Variants in CGN observed in about 807,000 individuals in gnomAD.
CGN encodes the protein cingulin.
Under a neutral mutation model 157.1 loss-of-function variants are expected in CGN, and 121 were observed. The observed-to-expected ratio is 0.77, with a 90% CI of 0.66 to 0.90. The LOEUF is 0.90. Ranked by LOEUF, CGN falls within the 40% of genes least tolerant of loss-of-function variation. CGN has a pLI of 0.00. For missense variants in CGN, 1,424 were observed against 1,520.9 expected (o/e 0.94, Z 1.06); for synonymous variants, 535 against 607.5 (o/e 0.88, Z 1.76).
chr1:151,517,598 C>T (rs143472622), intron 1 of CGN, among the ~76,000 whole-genome samples: 2,682 of 151,716 alleles, frequency 0.018, 34 homozygotes, highest in Middle Eastern at 0.031. Context: ...GCAACCTCCA[C>T]CTCCCGGGTT....
At chr1:151,528,267 G>A (rs1055085658) in intron 10 of CGN, among the ~76,000 whole-genome samples, 1 of 151,702 alleles carries the variant, frequency 6.6e-6, no homozygotes, top group Non-Finnish European at 1.5e-5. Flanking sequence ...GATTACAGGC[G>A]TGAGCCACCG....
Position 151,535,136 on chromosome 1 carries a change from C to G in CGN, c.2994+5C>G. The G allele has an allele frequency of 1.2e-6, 2 of 1,606,616 alleles. No individual in the cohort carries two copies. The highest frequency in any genetic ancestry group is 1.7e-6 in the Non-Finnish European group (2 of 1,173,874). On this transcript the variant is annotated splice_donor_5th_base_variant and intron_variant, in intron 16 of 20. Transcript: ENST00000271636. ...GTGAATCGTGGCCGGGACCAGGTAA[C>G]CGCCCCCACCCCTCATCTCTGTTTA... is the stretch of plus-strand genomic sequence containing the variant.
chr1:151,520,059 C>T, intron 2 of CGN, 107 bp from the exon 3 acceptor site: 1 of 799,034 alleles, frequency 1.3e-6, no homozygotes, highest in South Asian at 1.9e-5. Context: ...GGGACTTGAC[C>T]TGAGACTGCC....
chr1:151,524,644 C>A lies in CGN; in HGVS notation c.1402-30C>A. The A allele has an allele frequency of 6.4e-7, 1 of 1,555,010 alleles. No homozygotes were observed. Among genetic ancestry groups the A allele is most frequent in the South Asian group, 1.1e-5 (1 of 87,282 alleles). On this transcript the variant is annotated intron_variant, in intron 7 of 20. Transcript: ENST00000271636. This position sits in a 1 kb window ranked among gnomAD's most constrained non-coding sequence, Gnocchi z 4.4. ...AAACAGATGGATTCTAATATGGTCA[C>A]CCCTGTACTTCTTCCTTTATTTTCT...
intron 10 of CGN, among the ~76,000 whole-genome samples, 169 bp from the exon 11 acceptor site, chr1:151,529,181 T>TAAAA (rs1423902461): frequency 6.6e-6 from 1 of 152,200 alleles, no homozygotes; most frequent in Non-Finnish European, 1.5e-5. Flanking sequence ...TTGCTGGTGA[T>TAAAA]ATAAATGGTA....
intron 9 of CGN, among the ~76,000 whole-genome samples, chr1:151,526,365 C>T (rs751737040): frequency 3.3e-5 from 5 of 151,318 alleles, no homozygotes; most frequent in East Asian, 1.9e-4. Flanking sequence ...TTAGTAGAGA[C>T]GGGGTTTCAC....
chr1:151,536,681 C>T, intron 19 of CGN, 49 bp from the exon 20 acceptor site: 1 of 1,588,428 alleles, frequency 6.3e-7, no homozygotes, highest in South Asian at 1.1e-5. Flanking sequence ...GGGTCCCAGG[C>T]CATGGTAGTA....
At chr1:151,518,421 A>G in intron 1 of CGN, 85 bp from the exon 2 acceptor site, 1 of 1,150,196 alleles carries the variant, frequency 8.7e-7, no homozygotes, top group East Asian at 2.4e-5. Flanking sequence ...TCTAGTAGGA[A>G]CTGACAGGGA....
chr1:151,519,360 C>A lies in CGN; in HGVS notation c.841C>A (p.Arg281=), dbSNP rs140720174. The stretch of plus-strand genomic sequence containing the variant: ...GGTCCTTCAGAGTTTTGAGGAGCCG[C>A]GGAGGAGTGCACAGGACCCCACCAT... ...DWVLQSFEEP[R]RSAQDPTMLQ... is the part of the protein sequence containing the mutation. The change falls in exon 2 of 21, where the codon CGG becomes AGG. Residue 281 remains arginine, a synonymous_variant. Coordinates refer to ENST00000271636, the MANE Select transcript of CGN (RefSeq NM_020770.3). The A allele has an allele frequency of 6.2e-7, 1 of 1,601,988 alleles. No individual in the cohort carries two copies. Among genetic ancestry groups the A allele is most frequent in the Non-Finnish European group, 8.5e-7 (1 of 1,179,214 alleles).
At chr1:151,533,213 C>A (rs1357307394) in intron 14 of CGN, among the ~76,000 whole-genome samples, 1 of 152,224 alleles carries the variant, frequency 6.6e-6, no homozygotes, top group Admixed American at 6.5e-5. Flanking sequence ...GACGGTGGCT[C>A]ACGCCTGTAA....
Position 151,529,962 on chromosome 1 carries a change from A to C in CGN, c.2160A>C (p.Ala720=), listed in dbSNP as rs758307505. The C allele has an allele frequency of 1.9e-6, 3 of 1,614,008 alleles. No homozygotes were observed. Among genetic ancestry groups the C allele is most frequent in the Non-Finnish European group, 2.5e-6 (3 of 1,180,006 alleles). ...CAGTGCTGGGGCAGCGGCGGGCCGC[A>C]GTGGAGACGACGCTTCGGGAGACCC... ...EATVLGQRRA[A]VETTLRETQE... Residue 720 remains alanine (A), a synonymous_variant, in exon 12 of 21, where the codon GCA becomes GCC. Transcript: ENST00000271636.
chr1:151,530,340 A>G (rs1312577203), intron 12 of CGN, 149 bp from the exon 13 acceptor site: 21 of 1,056,400 alleles, frequency 2.0e-5, no homozygotes, highest in Non-Finnish European at 2.6e-5. Context: ...TGCTTGCTCT[A>G]TGTGTCCTGA....
chr1:151,524,528 G>A lies in CGN; in HGVS notation c.1402-146G>A. 8.3e-7 allele frequency: 1 copy of A among 1,203,492 alleles called. No individual in the cohort carries two copies. The highest frequency in any genetic ancestry group is 1.4e-5 in the South Asian group (1 of 71,310). 74.6% of individuals were successfully genotyped at this position (1,203,492 alleles called of 1,614,324 possible). On this transcript the variant is annotated intron_variant, in intron 7 of 20. Transcript: ENST00000271636. This position sits in a 1 kb window ranked among gnomAD's most constrained non-coding sequence, Gnocchi z 4.4. The stretch of plus-strand genomic sequence containing the variant: ...GTGTTGGGACTAGAGTTAGGATAAA[G>A]GAAACCTATCATTCTGGGCTCCAGT...
rs370315830 is a variant in CGN at position 151,524,175 on chromosome 1, G to A, written c.1269-51G>A. 52 of 1,453,598 alleles carry A rather than the reference G, an allele frequency of 3.6e-5. No individual in the cohort carries two copies. The highest frequency in any genetic ancestry group is 1.8e-4 in the Middle Eastern group (1 of 5,706). The allele number at this position is 1,453,598 out of a possible 1,614,324, so 90.0% of individuals were successfully genotyped here. A position where few individuals can be genotyped will look rare whatever the true frequency, so the allele number is the denominator to read the frequency against. On this transcript the variant is annotated intron_variant, in intron 6 of 20. Coordinates refer to ENST00000271636, the MANE Select transcript of CGN (RefSeq NM_020770.3). The surrounding 1 kb of genome is among the most constrained non-coding windows in gnomAD (Gnocchi z 4.4). ...AAATATGAATTAAAATATATGATGC[G>A]TTTAGAGAACTGCCTGACACATAGT...
chr1:151,522,058 A>G (rs975311878), intron 5 of CGN, among the ~76,000 whole-genome samples: 1 of 151,912 alleles, frequency 6.6e-6, no homozygotes, highest in Non-Finnish European at 1.5e-5. Flanking sequence ...TGGGAGGACC[A>G]CTTGAACCCA....
intron 2 of CGN, 111 bp downstream of exon 2, chr1:151,519,503 ACT>A (rs1339678346): frequency 3.1e-6 from 3 of 969,964 alleles, no homozygotes; most frequent in African/African-American, 1.6e-5. Context: ...CTAGGCAGAA[ACT>A]CTCTGCCTTT....
At chr1:151,528,549 T>C (rs1201262030) in intron 10 of CGN, among the ~76,000 whole-genome samples, 2 of 152,000 alleles carry the variant, frequency 1.3e-5, no homozygotes, top group Non-Finnish European at 2.9e-5. Flanking sequence ...CCCAAGCAGC[T>C]GGGATTACAG....
chr1:151,522,503 T>C (rs1292565499), intron 5 of CGN, among the ~76,000 whole-genome samples: 1 of 151,696 alleles, frequency 6.6e-6, no homozygotes, highest in Non-Finnish European at 1.5e-5. Context: ...CAGGCATCTG[T>C]AATCCCTGCT....
At chr1:151,519,536 C>T in intron 2 of CGN, 144 bp downstream of exon 2, 3 of 703,922 alleles carry the variant, frequency 4.3e-6, no homozygotes, top group Non-Finnish European at 6.9e-6. Flanking sequence ...TGTATCTGTC[C>T]ACAAAATAGG....
Sources: allele counts gnomAD v4.1 joint callset (sites outside exome capture counted in the v4.1 genomes callset), GRCh38; gene constraint gnomAD v4.1.1; non-coding constraint Gnocchi (gnomAD v3.1); transcripts MANE v1.5; gene names NCBI Gene and HGNC (gene_info 2026-07-23, HGNC 2026-07-21).